Variants in PSTPIP2 observed in about 807,000 individuals in gnomAD.
PSTPIP2 encodes proline-serine-threonine phosphatase interacting protein 2, also known as proline-serine-threonine phosphatase-interacting protein 2.
In PSTPIP2, 33 loss-of-function variants were observed where a neutral mutation model predicts 63.3. That is an observed-to-expected ratio of 0.52 (90% confidence interval 0.40 to 0.70). The LOEUF is 0.70. Ranked by LOEUF, PSTPIP2 falls within the 30% of genes least tolerant of loss-of-function variation. PSTPIP2 has a pLI of 0.00. For synonymous variants in PSTPIP2, 125 were observed against 132.7 expected (o/e 0.94, Z 0.40); for missense variants, 312 against 400.7 (o/e 0.78, Z 1.89).
chr18:46,069,112 C>T (rs573618397), intron 1 of PSTPIP2, among the ~76,000 whole-genome samples: 11 of 152,134 alleles, frequency 7.2e-5, no homozygotes, highest in African/African-American at 1.7e-4. Flanking sequence ...GGTTCAGGGA[C>T]GATTTGGACC....
At chr18:46,000,283 G>A (rs930234854) in intron 6 of PSTPIP2, among the ~76,000 whole-genome samples, 2 of 151,982 alleles carry the variant, frequency 1.3e-5, no homozygotes, top group African/African-American at 4.8e-5. Context: ...TAATTCTAAC[G>A]AGGCCTCAAT....
intron 2 of PSTPIP2, among the ~76,000 whole-genome samples, chr18:46,035,409 G>C (rs1234436970): frequency 2.0e-5 from 2 of 102,466 alleles, no homozygotes; most frequent in Non-Finnish European, 4.1e-5. Flanking sequence ...GACAGAGTGA[G>C]ACTCTGTCTT....
At chr18:46,058,420 G>A (rs149399867) in intron 1 of PSTPIP2, among the ~76,000 whole-genome samples, 1 of 152,008 alleles carries the variant, frequency 6.6e-6, no homozygotes, top group Non-Finnish European at 1.5e-5. Context: ...GTAGTAGCAC[G>A]ATCTCGGCTC....
At chr18:46,068,782 C>T (rs1909285672) in intron 1 of PSTPIP2, among the ~76,000 whole-genome samples, 1 of 152,130 alleles carries the variant, frequency 6.6e-6, no homozygotes, top group South Asian at 2.1e-4. Flanking sequence ...AGAACCAATC[C>T]CCTACAGATA....
At chr18:46,069,010 G>A (rs1381118646) in intron 1 of PSTPIP2, among the ~76,000 whole-genome samples, 1 of 152,134 alleles carries the variant, frequency 6.6e-6, no homozygotes, top group Non-Finnish European at 1.5e-5. Context: ...CCCACTACAG[G>A]AACAGGGTTG....
chr18:46,056,575 A>G (rs1908762916), intron 1 of PSTPIP2, among the ~76,000 whole-genome samples: 1 of 152,076 alleles, frequency 6.6e-6, no homozygotes, highest in Non-Finnish European at 1.5e-5. Flanking sequence ...AGAAATTTTT[A>G]AAATAGCAGA....
At chr18:46,061,597 T>A (rs1459220871) in intron 1 of PSTPIP2, among the ~76,000 whole-genome samples, 1 of 152,126 alleles carries the variant, frequency 6.6e-6, no homozygotes, top group East Asian at 1.9e-4. Flanking sequence ...ACAAGAACGC[T>A]GATTAAATAG....
chr18:46,022,129 T>C (rs1907386312), intron 3 of PSTPIP2, among the ~76,000 whole-genome samples: 1 of 152,170 alleles, frequency 6.6e-6, no homozygotes. Flanking sequence ...AATTAGCCAA[T>C]GAAAAATAAA....
At chr18:46,044,173 T>G (rs1908295646) in intron 1 of PSTPIP2, among the ~76,000 whole-genome samples, 1 of 152,258 alleles carries the variant, frequency 6.6e-6, no homozygotes, top group East Asian at 1.9e-4. Flanking sequence ...AAAGTTCACA[T>G]GGAAACAAAA....
intron 1 of PSTPIP2, among the ~76,000 whole-genome samples, chr18:46,066,863 T>C (rs1165943684): frequency 1.3e-5 from 2 of 151,844 alleles, no homozygotes; most frequent in African/African-American, 4.8e-5. Context: ...CCGTCTCTAC[T>C]AAAAATACAA....
rs2051849153 is a variant in PSTPIP2, at chr18:46,015,956, T to C, written c.213-19A>G. The C allele has an allele frequency of 6.2e-7, 1 of 1,610,378 alleles. No homozygotes were observed. Among genetic ancestry groups the C allele is most frequent in the Non-Finnish European group, 8.5e-7 (1 of 1,177,480 alleles). The stretch of plus-strand genomic sequence containing the variant: ...CAGGGTGCTAAAAAAAACAAGCACA[T>C]ATATAATTTCAGTTCTGGAAATTCT... On this transcript the variant is annotated intron_variant, in intron 3 of 14. Coordinates refer to ENST00000409746, the MANE Select transcript of PSTPIP2 (RefSeq NM_024430.4).
At chr18:45,999,361 A>T in intron 7 of PSTPIP2, 75 bp downstream of exon 7, 1 of 1,360,680 alleles carries the variant, frequency 7.3e-7, no homozygotes, top group South Asian at 1.2e-5. Flanking sequence ...TTCATTTCTT[A>T]TGAAGATTCA....
At chr18:46,064,457 ATTT>A (rs34169328) in intron 1 of PSTPIP2, among the ~76,000 whole-genome samples, 4 of 106,060 alleles carry the variant, frequency 3.8e-5, no homozygotes, top group Admixed American at 1.1e-4. Context: ...CACCTGGCTA[ATTT>A]TTTTTTTTTT....
intron 3 of PSTPIP2, among the ~76,000 whole-genome samples, chr18:46,020,293 T>A (rs1233060962): frequency 6.6e-6 from 1 of 152,162 alleles, no homozygotes; most frequent in Non-Finnish European, 1.5e-5. Flanking sequence ...CCCTAACAGG[T>A]TCCATTATAG....
chr18:45,985,469 GA>G lies in PSTPIP2; in HGVS notation c.*9-20del. 1 of 1,612,128 alleles carries G rather than the reference GA, an allele frequency of 6.2e-7. No individual in the cohort carries two copies. Among genetic ancestry groups the G allele is most frequent in the Non-Finnish European group, 8.5e-7 (1 of 1,178,984 alleles). ...CTGGTTTCTGAAAGAAAATAACAAAGAAATTTCCTCTGAATGAAAGGTGCTT... is the reference window on the plus strand; with the variant it reads ...CTGGTTTCTGAAAGAAAATAACAAAGAATTTCCTCTGAATGAAAGGTGCTT... On this transcript the variant is annotated intron_variant, in intron 14 of 14. Transcript: ENST00000409746.
chr18:46,002,792 C>CA lies in PSTPIP2; in HGVS notation c.417+2676dup, dbSNP rs1038676954. On this transcript the variant is annotated intron_variant, in intron 6 of 14. Transcript: ENST00000409746. ...GCAACATTGTGAGACCCCCCCATCT[C>CA]AAAAAAAGTGTCTTTGTAATTGCTT... Among the ~76,000 whole-genome samples the CA allele has an allele frequency of 9.9e-5, 15 of 151,910 alleles. No homozygotes were observed. In the East Asian group the frequency reaches 2.3e-3, roughly 23 times the overall value.
chr18:46,057,535 G>A (rs1361610627), intron 1 of PSTPIP2, among the ~76,000 whole-genome samples: 1 of 151,604 alleles, frequency 6.6e-6, no homozygotes, highest in South Asian at 2.1e-4. Context: ...TCACCACGTT[G>A]GCCAGGCTGG....
chr18:46,040,048 C>T lies in PSTPIP2; in HGVS notation c.34-1G>A. 1 of 1,596,766 alleles carries T rather than the reference C, an allele frequency of 6.3e-7. No individual in the cohort carries two copies. The highest frequency in any genetic ancestry group is 8.5e-7 in the Non-Finnish European group (1 of 1,170,482). On this transcript the variant is annotated splice_acceptor_variant, in intron 1 of 14. Transcript: ENST00000409746. LOFTEE classifies it high-confidence loss of function. ...CGATGGTGCTGAGGATGTCTGCACT[C>T]TGGGGGAAAGACAACATGGCATCAG...
At chr18:46,043,405 A>G (rs956793657) in intron 1 of PSTPIP2, among the ~76,000 whole-genome samples, 1 of 151,886 alleles carries the variant, frequency 6.6e-6, no homozygotes, top group East Asian at 1.9e-4. Flanking sequence ...TGAAAAAAAA[A>G]AAGAAAAGAA....
Sources: allele counts gnomAD v4.1 joint callset (sites outside exome capture counted in the v4.1 genomes callset), GRCh38; gene constraint gnomAD v4.1.1; transcripts MANE v1.5; gene names NCBI Gene and HGNC (gene_info 2026-07-23, HGNC 2026-07-21).